TMTC2: variants seen among roughly 807,000 people sequenced by gnomAD.
The protein encoded by TMTC2 is transmembrane O-mannosyltransferase targeting cadherins 2, also known as protein O-mannosyl-transferase TMTC2.
A neutral mutation model predicts 82.4 loss-of-function variants in TMTC2; 43 were observed. That is an observed-to-expected ratio of 0.52 (90% CI 0.41 to 0.67). The LOEUF is 0.67. TMTC2 is among the 30% of genes least tolerant of loss of function. The pLI is 0.00. For missense variants in TMTC2, 919 were observed against 1,012.4 expected (o/e 0.91, Z 1.25); for synonymous variants, 408 against 381.9 (o/e 1.07, Z -0.80).
At chr12:83,101,434 C>T (rs1462690695) in intron 11 of TMTC2, among the ~76,000 whole-genome samples, 1 of 152,196 alleles carries the variant, frequency 6.6e-6, no homozygotes, top group Non-Finnish European at 1.5e-5. Flanking sequence ...AGGTTTTCAG[C>T]ATCTCTCAGT....
chr12:82,953,451 G>C (rs1877453344), intron 4 of TMTC2, among the ~76,000 whole-genome samples: 1 of 152,102 alleles, frequency 6.6e-6, no homozygotes, highest in African/African-American at 2.4e-5. Context: ...TGAGAATTTT[G>C]ACTCATATCT....
chr12:82,750,203 C>G (rs1312446317), intron 1 of TMTC2, among the ~76,000 whole-genome samples: 2 of 150,688 alleles, frequency 1.3e-5, no homozygotes, highest in African/African-American at 4.9e-5. Flanking sequence ...TTTGAAGTTC[C>G]TCTTTTGTTT....
At chr12:83,089,543 G>C (rs1883771508) in intron 11 of TMTC2, among the ~76,000 whole-genome samples, 1 of 151,918 alleles carries the variant, frequency 6.6e-6, no homozygotes, top group Admixed American at 6.6e-5. Context: ...TAGTCACCAG[G>C]GTACCATAAG....
chr12:82,730,015 A>G (rs1277953762), intron 1 of TMTC2, among the ~76,000 whole-genome samples: 2 of 152,088 alleles, frequency 1.3e-5, no homozygotes, highest in East Asian at 3.9e-4. Flanking sequence ...AACCCACCAG[A>G]AGGAGGAAGC....
At chr12:82,799,858 G>A (rs1414069470) in intron 1 of TMTC2, among the ~76,000 whole-genome samples, 2 of 152,062 alleles carry the variant, frequency 1.3e-5, no homozygotes, top group African/African-American at 4.8e-5. Flanking sequence ...TACCGGCAAG[G>A]AACATCAAGT....
intron 2 of TMTC2, 104 bp downstream of exon 2, chr12:82,857,684 TA>T: frequency 9.3e-7 from 1 of 1,076,828 alleles, no homozygotes; most frequent in Non-Finnish European, 1.3e-6. Flanking sequence ...AAGCGGAATT[TA>T]AAATAAGTTC....
Position 82,975,650 on chromosome 12 carries a change from A to T in TMTC2, c.1948+8653A>T, listed in dbSNP as rs867278263. On this transcript the variant is annotated intron_variant, in intron 7 of 11. Coordinates refer to ENST00000321196, the MANE Select transcript of TMTC2 (RefSeq NM_152588.3). Reference sequence around the variant, plus strand: ...AATTTATAATATAAATAAATTATTCATTGCCTATTATGGAGATATAGTGCT... The same window carrying T: ...AATTTATAATATAAATAAATTATTCTTTGCCTATTATGGAGATATAGTGCT... Among the ~76,000 whole-genome samples the T allele has an allele frequency of 1.1e-4, 16 of 152,276 alleles. No homozygotes were observed. In the Middle Eastern group the frequency reaches 0.01, roughly 97 times the overall value.
chr12:82,850,731 A>T (rs569224171), intron 1 of TMTC2, among the ~76,000 whole-genome samples: 1 of 152,260 alleles, frequency 6.6e-6, no homozygotes, highest in South Asian at 2.1e-4. Context: ...AATATTCATG[A>T]CCATGATCCA....
At chr12:82,876,388 G>C (rs910127462) in intron 2 of TMTC2, among the ~76,000 whole-genome samples, 1 of 152,122 alleles carries the variant, frequency 6.6e-6, no homozygotes, top group African/African-American at 2.4e-5. Flanking sequence ...ACATATTTCA[G>C]CTGAGAGATA....
At chr12:83,032,168 C>T (rs1278224904) in intron 9 of TMTC2, among the ~76,000 whole-genome samples, 9 of 150,322 alleles carry the variant, frequency 6.0e-5, no homozygotes, top group African/African-American at 1.7e-4. Flanking sequence ...TTTTTTCCCA[C>T]TATCTGCTGT....
chr12:83,103,993 ACTACAGGCC>A (rs1884315899), intron 11 of TMTC2, among the ~76,000 whole-genome samples: 1 of 152,256 alleles, frequency 6.6e-6, no homozygotes, highest in Non-Finnish European at 1.5e-5. Context: ...AATGAAAGGG[ACTACAGGCC>A]CCATGCAAGT....
intron 11 of TMTC2, among the ~76,000 whole-genome samples, chr12:83,075,989 T>G (rs78737581): frequency 6.6e-6 from 1 of 152,316 alleles, no homozygotes; most frequent in Non-Finnish European, 1.5e-5. Flanking sequence ...TTTTCTTCTC[T>G]TTCTCAAATT....
chr12:83,106,055 A>G (rs1237322985), intron 11 of TMTC2, among the ~76,000 whole-genome samples: 5 of 152,258 alleles, frequency 3.3e-5, no homozygotes, highest in Non-Finnish European at 1.5e-5. Context: ...CTCAATGATT[A>G]AATTAAATAG....
intron 11 of TMTC2, among the ~76,000 whole-genome samples, chr12:83,127,126 A>C (rs1402711446): frequency 2.0e-5 from 3 of 152,148 alleles, no homozygotes; most frequent in African/African-American, 7.2e-5. Flanking sequence ...AACTCATTTA[A>C]GTTTGCAAAT....
intron 1 of TMTC2, among the ~76,000 whole-genome samples, chr12:82,783,266 G>T (rs1877997208): frequency 7.9e-6 from 1 of 126,584 alleles, no homozygotes; most frequent in Non-Finnish European, 1.6e-5. Flanking sequence ...TTTTGTAGCT[G>T]TTTTAACAAG....
intron 2 of TMTC2, among the ~76,000 whole-genome samples, chr12:82,869,867 TA>T (rs922146850): frequency 9.3e-5 from 14 of 150,288 alleles, no homozygotes; most frequent in African/African-American, 2.7e-4. Flanking sequence ...AAAATAAAAA[TA>T]AAAAAAATAA....
intron 11 of TMTC2, among the ~76,000 whole-genome samples, chr12:83,083,639 T>G (rs1034818492): frequency 6.6e-5 from 10 of 152,236 alleles, no homozygotes; most frequent in Non-Finnish European, 2.9e-5. Context: ...GGAATTTGTA[T>G]GAAGCTGTTG....
At chr12:82,773,872 C>A (rs1210365360) in intron 1 of TMTC2, among the ~76,000 whole-genome samples, 1 of 152,008 alleles carries the variant, frequency 6.6e-6, no homozygotes, top group Non-Finnish European at 1.5e-5. Context: ...TTAATTCTGG[C>A]AGTCCAGAGA....
At chr12:82,741,797 TG>T (rs1875422638) in intron 1 of TMTC2, among the ~76,000 whole-genome samples, 1 of 152,174 alleles carries the variant, frequency 6.6e-6, no homozygotes, top group South Asian at 2.1e-4. Flanking sequence ...GTCATGTATA[TG>T]GGGGAGGAAG....
Sources: allele counts gnomAD v4.1 joint callset (sites outside exome capture counted in the v4.1 genomes callset), GRCh38; gene constraint gnomAD v4.1.1; transcripts MANE v1.5; gene names NCBI Gene and HGNC (gene_info 2026-07-23, HGNC 2026-07-21).